TRAPPC9: variants seen among roughly 807,000 people sequenced by gnomAD.
TRAPPC9 encodes IKK2 binding protein.
In TRAPPC9, 83 loss-of-function variants were observed where a neutral mutation model predicts 124.0. The ratio of observed to expected loss-of-function variants is 0.67; its 90% CI spans 0.56 to 0.80. The LOEUF is 0.80. Among genes scored for constraint, TRAPPC9 ranks in the 30% least tolerant of loss-of-function variants. The probability of loss-of-function intolerance (pLI) is 0.00; values close to 1 mark genes in which losing one functional copy is unlikely to be tolerated. For missense variants in TRAPPC9, 1,302 were observed against 1,508.3 expected, an observed-to-expected ratio of 0.86 and a Z score of 2.27; for synonymous variants, 638 against 617.5, an observed-to-expected ratio of 1.03 and a Z score of -0.49.
intron 21 of TRAPPC9, among the ~76,000 whole-genome samples, chr8:139,736,929 A>G (rs964568935): frequency 2.0e-5 from 3 of 152,198 alleles, no homozygotes; most frequent in Non-Finnish European, 4.4e-5. Flanking sequence ...CAAGGAGCAT[A>G]TAAGAGGAGA....
At chr8:139,915,766 G>A (rs1314348969) in intron 19 of TRAPPC9, among the ~76,000 whole-genome samples, 1 of 152,212 alleles carries the variant, frequency 6.6e-6, no homozygotes, top group Non-Finnish European at 1.5e-5. Context: ...TGCTAACCCA[G>A]AGAGCAATCT....
At chr8:140,143,253 G>C (rs1394609609) in intron 17 of TRAPPC9, among the ~76,000 whole-genome samples, 1 of 152,188 alleles carries the variant, frequency 6.6e-6, no homozygotes, top group Non-Finnish European at 1.5e-5. Flanking sequence ...AGAAGTCTGG[G>C]CATGGTCATG....
At chr8:139,735,736 G>A (rs1397009510) in intron 21 of TRAPPC9, among the ~76,000 whole-genome samples, 1 of 152,108 alleles carries the variant, frequency 6.6e-6, no homozygotes, top group African/African-American at 2.4e-5. Context: ...TGGTCTGTGG[G>A]CTCCTGGGCA....
chr8:139,782,567 A>G (rs1821909410), intron 21 of TRAPPC9, among the ~76,000 whole-genome samples: 1 of 152,246 alleles, frequency 6.6e-6, no homozygotes. Context: ...AAATTCGTTA[A>G]GTAAAATCTA....
chr8:139,826,019 G>A (rs1260867180), intron 21 of TRAPPC9, among the ~76,000 whole-genome samples: 5 of 152,184 alleles, frequency 3.3e-5, no homozygotes, highest in African/African-American at 9.7e-5. Flanking sequence ...GTGGGGGTGA[G>A]AGCCCATTCT....
chr8:140,092,732 G>A (rs897224877), intron 17 of TRAPPC9, among the ~76,000 whole-genome samples: 6 of 152,144 alleles, frequency 3.9e-5, no homozygotes, highest in Non-Finnish European at 8.8e-5. Flanking sequence ...ATCTCACTAC[G>A]TGATCATCTC....
intron 21 of TRAPPC9, among the ~76,000 whole-genome samples, chr8:139,765,449 C>T (rs950978091): frequency 1.3e-5 from 2 of 152,180 alleles, no homozygotes; most frequent in Non-Finnish European, 1.5e-5. Context: ...CTCTGAGGCT[C>T]CAGAAGGTTA....
In TRAPPC9 at chr8:139,954,983, G is replaced by C. The variant is rs140596556; in HGVS notation, c.2810+33743C>G. 3.3e-4 allele frequency among the ~76,000 whole-genome samples: 50 copies of C among 152,274 alleles called. No homozygotes were observed. The East Asian group carries it at 8.7e-3, about 26-fold the overall frequency. ...TTATTTGTATTGGTCTTACAATTTGGCATGTATATAATTTGGAAAAGCGGT... is the reference window on the plus strand; with the variant it reads ...TTATTTGTATTGGTCTTACAATTTGCCATGTATATAATTTGGAAAAGCGGT... On this transcript the variant is annotated intron_variant, in intron 19 of 22. Coordinates refer to ENST00000438773, the MANE Select transcript of TRAPPC9 (RefSeq NM_001160372.4).
chr8:140,387,197 C>A (rs1183005191), intron 7 of TRAPPC9, among the ~76,000 whole-genome samples: 2 of 152,158 alleles, frequency 1.3e-5, no homozygotes, highest in African/African-American at 4.8e-5. Flanking sequence ...AATGTTAAGT[C>A]TTTAATGTTT....
chr8:140,339,006 ACGC>A (rs1563957070), intron 9 of TRAPPC9, among the ~76,000 whole-genome samples: 13 of 131,812 alleles, frequency 9.9e-5, no homozygotes, highest in African/African-American at 1.5e-4. Flanking sequence ...GAGAAAACCA[ACGC>A]CACCAGACGG....
rs146061550 is a variant in TRAPPC9, at chr8:139,808,095, G to A, written c.3056-75893C>T. On this transcript the variant is annotated intron_variant, in intron 21 of 22. Transcript: ENST00000438773. ...ATCACAGAGGAGTGCAAGTGGGTGC[G>A]GCCTGACCCATTATTAACTATTACT... 1.9e-3 allele frequency among the ~76,000 whole-genome samples: 294 copies of A among 152,236 alleles called. 2 individuals are homozygous for A. Among genetic ancestry groups the A allele is most frequent in the African/African-American group, 6.5e-3 (270 of 41,530 alleles).
At chr8:139,760,546 C>T (rs1005379919) in intron 21 of TRAPPC9, among the ~76,000 whole-genome samples, 10 of 152,224 alleles carry the variant, frequency 6.6e-5, no homozygotes, top group African/African-American at 2.2e-4. Flanking sequence ...TGTACATTTC[C>T]TCATTCATTT....
At chr8:139,969,575 A>ACG in intron 19 of TRAPPC9, among the ~76,000 whole-genome samples, 1 of 152,340 alleles carries the variant, frequency 6.6e-6, no homozygotes, top group Non-Finnish European at 1.5e-5. Context: ...CAGGAATATG[A>ACG]CAAGGATCAC....
rs149024513 is a variant in TRAPPC9, at chr8:139,833,257, T to C, written c.3055+52622A>G. 3.0e-4 allele frequency among the ~76,000 whole-genome samples: 45 copies of C among 152,306 alleles called. 2 individuals carry two copies. The East Asian group carries it at 7.5e-3, about 26-fold the overall frequency. ...GTGATCCTGGAGCAGAGAACCTTCA[T>C]AAAACCTATAGCCCCCTTCCCCCAG... On this transcript the variant is annotated intron_variant, in intron 21 of 22. Transcript: ENST00000438773.
intron 17 of TRAPPC9, among the ~76,000 whole-genome samples, chr8:140,031,038 A>G (rs1840464433): frequency 6.6e-6 from 1 of 152,226 alleles, no homozygotes; most frequent in African/African-American, 2.4e-5. Context: ...TTTGAAATTG[A>G]TCCTGACCAT....
intron 17 of TRAPPC9, among the ~76,000 whole-genome samples, chr8:140,174,800 T>G (rs2062030300): frequency 6.6e-6 from 1 of 152,198 alleles, no homozygotes; most frequent in South Asian, 2.1e-4. Context: ...CTACAACAGT[T>G]TATCCATTCA....
At chr8:139,920,183 T>C (rs1392821656) in intron 19 of TRAPPC9, among the ~76,000 whole-genome samples, 9 of 152,036 alleles carry the variant, frequency 5.9e-5, no homozygotes, top group Non-Finnish European at 1.0e-4. Flanking sequence ...CCATCTCTAT[T>C]AAAAATACAA....
At chr8:140,359,049 C>T (rs927172291) in intron 9 of TRAPPC9, among the ~76,000 whole-genome samples, 1 of 152,192 alleles carries the variant, frequency 6.6e-6, no homozygotes, top group Non-Finnish European at 1.5e-5. Flanking sequence ...CATTCAACTG[C>T]TGGTCAGTGA....
intron 17 of TRAPPC9, among the ~76,000 whole-genome samples, chr8:140,115,616 T>C (rs1184246563): frequency 9.1e-6 from 1 of 110,164 alleles, no homozygotes; most frequent in Non-Finnish European, 2.1e-5. Context: ...CCAAATATTT[T>C]CAATCTATGG....
Sources: allele counts gnomAD v4.1 joint callset (sites outside exome capture counted in the v4.1 genomes callset), GRCh38; gene constraint gnomAD v4.1.1; transcripts MANE v1.5; gene names NCBI Gene and HGNC (gene_info 2026-07-23, HGNC 2026-07-21).